Variants in PLXNC1 observed in about 807,000 individuals in gnomAD.
PLXNC1 encodes the protein plexin C1, also known as plexin-C1.
PLXNC1 carries 75 observed loss-of-function variants against 178.2 expected under a neutral mutation model. The observed-to-expected ratio is 0.42, with a 90% CI of 0.35 to 0.51. PLXNC1 has a LOEUF of 0.51. PLXNC1 is among the 20% of genes least tolerant of loss of function. The pLI is 0.02. For missense variants in PLXNC1, 1,503 were observed against 1,984.4 expected, an observed-to-expected ratio of 0.76 and a Z score of 4.61; for synonymous variants, 790 against 779.9, an observed-to-expected ratio of 1.01 and a Z score of -0.22.
At chr12:94,225,868 G>T (rs985979759) in intron 7 of PLXNC1, among the ~76,000 whole-genome samples, 2 of 152,196 alleles carry the variant, frequency 1.3e-5, no homozygotes, top group African/African-American at 4.8e-5. Flanking sequence ...CACGGAAACT[G>T]CAGTTTCTGT....
chr12:94,252,762 C>T (rs769626732), intron 15 of PLXNC1, among the ~76,000 whole-genome samples: 57 of 152,300 alleles, frequency 3.7e-4, no homozygotes, highest in African/African-American at 5.1e-4. Context: ...TGACCACAGT[C>T]GCCACCACTC....
chr12:94,299,570 T>G (rs1163916710), intron 27 of PLXNC1, among the ~76,000 whole-genome samples: 2 of 152,112 alleles, frequency 1.3e-5, no homozygotes, highest in Non-Finnish European at 2.9e-5. Context: ...CTAGCCTCTT[T>G]TTTTTTGAGA....
chr12:94,169,219 A>G lies in PLXNC1; in HGVS notation c.1129A>G (p.Thr377Ala), dbSNP rs1379772641. The G allele has an allele frequency of 1.2e-6, 2 of 1,613,838 alleles. No homozygotes were observed. The highest frequency in any genetic ancestry group is 1.7e-6 in the Non-Finnish European group (2 of 1,179,748). ...ASSTLIHSDLTSVYGTVVMNR... is the reference protein window; with the variant it reads ...ASSTLIHSDLASVYGTVVMNR... ...ATCTACCTTGATCCATTCCGACCTG[A>G]CATCCGTTTATGGCACCGTGGTAAT... is the stretch of plus-strand genomic sequence containing the variant. Residue 377 changes from threonine (T) to alanine (A), a missense_variant, in exon 2 of 31, where the codon ACA becomes GCA. Physicochemically the swap from Thr to Ala is moderately conservative, Grantham distance 58 (BLOSUM62 0). Around this residue, in one of 4 missense-constraint regions of PLXNC1, gnomAD observed 615 missense variants for 698.6 expected, o/e 0.88. Coordinates refer to ENST00000258526, the MANE Select transcript of PLXNC1 (RefSeq NM_005761.3).
At chr12:94,174,420 C>T (rs1362806559) in intron 2 of PLXNC1, among the ~76,000 whole-genome samples, 1 of 152,098 alleles carries the variant, frequency 6.6e-6, no homozygotes, top group East Asian at 1.9e-4. Context: ...TCAAGAGATC[C>T]TCCCACCTCG....
chr12:94,158,530 G>A lies in PLXNC1; in HGVS notation c.1062+8497G>A, dbSNP rs151000782. 2.2e-3 allele frequency among the ~76,000 whole-genome samples: 333 copies of A among 152,318 alleles called. 3 individuals carry two copies. Among genetic ancestry groups the A allele is most frequent in the Admixed American group, 0.019 (285 of 15,302 alleles). ...TATCATTAGGCAGGGAGCAGATGGCGCATGCCCATAATCCCAGCACCTTGG... is the reference window on the plus strand; with the variant it reads ...TATCATTAGGCAGGGAGCAGATGGCACATGCCCATAATCCCAGCACCTTGG... On this transcript the variant is annotated intron_variant, in intron 1 of 30. Coordinates refer to ENST00000258526, the MANE Select transcript of PLXNC1 (RefSeq NM_005761.3).
chr12:94,252,261 C>A (rs1457103440), intron 15 of PLXNC1, among the ~76,000 whole-genome samples: 1 of 152,146 alleles, frequency 6.6e-6, no homozygotes, highest in East Asian at 1.9e-4. Context: ...CTGGGCAGAA[C>A]CACACTTTAG....
At chr12:94,283,680 A>C (rs1307873714) in intron 23 of PLXNC1, among the ~76,000 whole-genome samples, 3 of 152,108 alleles carry the variant, frequency 2.0e-5, no homozygotes, top group East Asian at 3.9e-4. Flanking sequence ...CAGAGATGAA[A>C]TCATAGGAAG....
At position 94,186,459 on chromosome 12, in the gene PLXNC1, C is replaced by T. The variant is rs991085175; in HGVS notation, c.1425C>T (p.Cys475=). 3 of 1,609,782 alleles carry T rather than the reference C, an allele frequency of 1.9e-6. No individual in the cohort carries two copies. The East Asian group carries it at 6.7e-5, about 36-fold the overall frequency. ...CCACAGACCCTCACTGCGGTTGGTG[C>T]CATTCGCTACAAAGGTATCTCCTGA... ...LTATDPHCGW[C]HSLQRCTFQG... The change falls in exon 4 of 31, where the codon TGC becomes TGT. Residue 475 remains cysteine, a synonymous_variant. Transcript: ENST00000258526.
rs998619072 is a variant in PLXNC1, at chr12:94,169,559, G to A, written c.1203+266G>A. Among the ~76,000 whole-genome samples, 4 of 152,110 alleles carry A rather than the reference G, an allele frequency of 2.6e-5. No individual in the cohort carries two copies. The South Asian group carries it at 6.2e-4, about 24-fold the overall frequency. ...CCTTCCTTACTCATAAGCCAGCTGGGTGAGGTAAATGGAGGTCTGGTCCCT... is the reference window on the plus strand; with the variant it reads ...CCTTCCTTACTCATAAGCCAGCTGGATGAGGTAAATGGAGGTCTGGTCCCT... On this transcript the variant is annotated intron_variant, in intron 2 of 30. Coordinates refer to ENST00000258526, the MANE Select transcript of PLXNC1 (RefSeq NM_005761.3).
intron 5 of PLXNC1, among the ~76,000 whole-genome samples, chr12:94,210,889 T>C (rs1208863594): frequency 6.6e-6 from 1 of 152,172 alleles, no homozygotes; most frequent in African/African-American, 2.4e-5. Flanking sequence ...CTCTCATCAG[T>C]CTGAAAAATA....
chr12:94,300,961 T>C lies in PLXNC1; in HGVS notation c.4290T>C (p.Phe1430=). 1 of 1,613,580 alleles carries C rather than the reference T, an allele frequency of 6.2e-7. No individual in the cohort carries two copies. The highest frequency in any genetic ancestry group is 8.5e-7 in the Non-Finnish European group (1 of 1,179,548). The part of the protein sequence containing the change: ...VNILKNPQFV[F]DIKKTPHIDG... ...TCCTGAAGAACCCTCAGTTTGTCTT[T>C]GACATTAAGAAGACACCACATATAG... is the stretch of plus-strand genomic sequence containing the variant. The change falls in exon 28 of 31, where the codon TTT becomes TTC. Residue 1430 remains phenylalanine (F), a synonymous_variant. Transcript: ENST00000258526.
chr12:94,203,385 A>G (rs141755283), intron 4 of PLXNC1, among the ~76,000 whole-genome samples: 2 of 152,302 alleles, frequency 1.3e-5, no homozygotes, highest in African/African-American at 2.4e-5. Context: ...GTTTAATTTT[A>G]TTTAACTAGT....
chr12:94,251,733 A>G (rs1050172162), intron 15 of PLXNC1, among the ~76,000 whole-genome samples: 4 of 152,192 alleles, frequency 2.6e-5, no homozygotes, highest in African/African-American at 4.8e-5. Flanking sequence ...GCTGATGCCT[A>G]TAATCCCAGC....
At chr12:94,243,072 G>A (rs555499886) in intron 11 of PLXNC1, among the ~76,000 whole-genome samples, 17 of 152,346 alleles carry the variant, frequency 1.1e-4, no homozygotes, top group Admixed American at 9.2e-4. Flanking sequence ...CGCTTGGCTC[G>A]GTTTTCTGGT....
intron 10 of PLXNC1, 54 bp downstream of exon 10, chr12:94,237,857 C>T: frequency 6.4e-7 from 1 of 1,569,790 alleles, no homozygotes. Flanking sequence ...CAAACCTGTG[C>T]CAAAGGAATA....
chr12:94,155,939 C>T (rs1288901149), intron 1 of PLXNC1, among the ~76,000 whole-genome samples: 2 of 152,164 alleles, frequency 1.3e-5, no homozygotes, highest in African/African-American at 4.8e-5. Flanking sequence ...TGGACAGAAA[C>T]ACATGGAATT....
intron 20 of PLXNC1, chr12:94,262,389 A>T: frequency 1.6e-6 from 1 of 629,794 alleles, no homozygotes; most frequent in Non-Finnish European, 2.0e-6. Context: ...AGCTCTTTCT[A>T]CTGGATCTTG....
Position 94,169,141 on chromosome 12 carries a change from G to C in PLXNC1, c.1063-12G>C. 1 of 1,611,108 alleles carries C rather than the reference G, an allele frequency of 6.2e-7. No individual in the cohort carries two copies. The highest frequency in any genetic ancestry group is 1.7e-4 in the Middle Eastern group (1 of 6,056). On this transcript the variant is annotated splice_polypyrimidine_tract_variant and intron_variant, in intron 1 of 30. Coordinates refer to ENST00000258526, the MANE Select transcript of PLXNC1 (RefSeq NM_005761.3). ...TATTATTATTTTTTTGTGCGTTTGT[G>C]TGCATGTTCAGAAAGAAGGGGATCA...
intron 26 of PLXNC1, among the ~76,000 whole-genome samples, chr12:94,297,787 A>G (rs1968079255): frequency 6.6e-6 from 1 of 152,234 alleles, no homozygotes; most frequent in South Asian, 2.1e-4. Flanking sequence ...TGCGAATAAA[A>G]TGAAGGGGAT....
Sources: gnomAD v4.1 joint callset for allele counts (sites outside exome capture counted in the v4.1 genomes callset) on GRCh38, gnomAD v4.1.1 for gene constraint, gnomAD v4.1.1 regional missense constraint, MANE v1.5 for transcripts, NCBI Gene and HGNC (gene_info 2026-07-23, HGNC 2026-07-21) for gene names.